The following NAALADL2 variants were observed in gnomAD, a reference collection of about 807,000 sequenced individuals.
NAALADL2 encodes N-acetylated alpha-linked acidic dipeptidase like 2.
In NAALADL2, 76 loss-of-function variants were observed where a neutral mutation model predicts 87.2. That is an observed-to-expected ratio of 0.87 (90% CI 0.72 to 1.05). The LOEUF is 1.05. Ranked by LOEUF, NAALADL2 falls within the 50% of genes least tolerant of loss-of-function variation. The probability of loss-of-function intolerance (pLI) is 0.00; values close to 1 mark genes in which losing one functional copy is unlikely to be tolerated. For missense variants in NAALADL2, 1,089 were observed against 945.8 expected (o/e 1.15, Z -1.99); for synonymous variants, 354 against 331.0 (o/e 1.07, Z -0.75).
At chr3:175,166,696 G>A (rs978205220) in intron 2 of NAALADL2, among the ~76,000 whole-genome samples, 13 of 151,834 alleles carry the variant, frequency 8.6e-5, no homozygotes, top group African/African-American at 2.9e-4. Context: ...ATGTAGCTAC[G>A]TCTTTCTGCT....
At chr3:175,386,817 G>C (rs1168092098) in intron 5 of NAALADL2, among the ~76,000 whole-genome samples, 1 of 152,016 alleles carries the variant, frequency 6.6e-6, no homozygotes, top group African/African-American at 2.4e-5. Context: ...TAGCCATCTT[G>C]TTATCAGATC....
intron 4 of NAALADL2, among the ~76,000 whole-genome samples, chr3:175,313,330 T>A (rs528381707): frequency 2.0e-5 from 3 of 152,310 alleles, no homozygotes; most frequent in African/African-American, 7.2e-5. Context: ...CTTAAATTTT[T>A]CTGTAAAACT....
chr3:175,498,326 C>T (rs1729099324), intron 9 of NAALADL2, among the ~76,000 whole-genome samples: 1 of 151,986 alleles, frequency 6.6e-6, no homozygotes, highest in African/African-American at 2.4e-5. Context: ...CTCTTCAGCG[C>T]AGTGTATGAG....
chr3:175,416,535 A>G (rs1447466995), intron 5 of NAALADL2, among the ~76,000 whole-genome samples: 1 of 152,162 alleles, frequency 6.6e-6, no homozygotes, highest in Non-Finnish European at 1.5e-5. Flanking sequence ...CAGTTATAGG[A>G]TTTAAGAAGT....
rs749991023 is a variant in NAALADL2, at chr3:175,429,176, TACACACAC to T, written c.1091-18025_1091-18018del. Among the ~76,000 whole-genome samples the T allele has an allele frequency of 7.1e-3, 896 of 125,626 alleles. 11 individuals are homozygous for T. Among genetic ancestry groups the T allele is most frequent in the African/African-American group, 0.023 (823 of 36,288 alleles). 82.4% of individuals were successfully genotyped at this position (125,626 alleles called of 152,430 possible). ...TCTGGACTATAGTAATATATATATG[TACACACAC>T]ACACACACACACACACACACACACA... On this transcript the variant is annotated intron_variant, in intron 5 of 13. Transcript: ENST00000454872.
intron 11 of NAALADL2, among the ~76,000 whole-genome samples, chr3:175,652,532 G>T (rs1327039461): frequency 1.4e-5 from 2 of 143,918 alleles, no homozygotes; most frequent in African/African-American, 2.6e-5. Flanking sequence ...AGGCTGGAGT[G>T]CAGTGGTGCC....
intron 1 of NAALADL2, among the ~76,000 whole-genome samples, chr3:174,935,458 T>C (rs1043676170): frequency 1.3e-5 from 2 of 152,186 alleles, no homozygotes; most frequent in East Asian, 1.9e-4. Flanking sequence ...ACATTACTTA[T>C]AGAATAATTT....
At chr3:175,353,006 G>A (rs1006600081) in intron 5 of NAALADL2, among the ~76,000 whole-genome samples, 1 of 151,946 alleles carries the variant, frequency 6.6e-6, no homozygotes, top group Non-Finnish European at 1.5e-5. Flanking sequence ...CTGAAAGACA[G>A]GGCATTCTCA....
chr3:175,047,629 C>G (rs1277302106), intron 1 of NAALADL2, among the ~76,000 whole-genome samples: 1 of 152,120 alleles, frequency 6.6e-6, no homozygotes, highest in Non-Finnish European at 1.5e-5. Flanking sequence ...CAAACTCACT[C>G]TAAAGTTTTA....
At chr3:175,068,689 G>T (rs976477441) in intron 1 of NAALADL2, among the ~76,000 whole-genome samples, 2 of 152,104 alleles carry the variant, frequency 1.3e-5, no homozygotes, top group Admixed American at 1.3e-4. Flanking sequence ...TAGTGAAAAT[G>T]AAAATGAAAG....
intron 1 of NAALADL2, among the ~76,000 whole-genome samples, chr3:174,985,578 G>C (rs1484083789): frequency 6.6e-6 from 1 of 152,082 alleles, no homozygotes. Flanking sequence ...GCTTTTTAGT[G>C]CTGCCATAAT....
chr3:175,609,788 T>G (rs187151619), intron 10 of NAALADL2, among the ~76,000 whole-genome samples: 120 of 152,274 alleles, frequency 7.9e-4, no homozygotes, highest in Middle Eastern at 3.4e-3. Context: ...TTCCAACTGC[T>G]AGTCACTAGT....
intron 2 of NAALADL2, among the ~76,000 whole-genome samples, chr3:174,583,173 A>G (rs1459344217): frequency 1.3e-5 from 2 of 152,226 alleles, no homozygotes; most frequent in Non-Finnish European, 2.9e-5. Context: ...GTGTAAATCT[A>G]TAATATGGTA....
chr3:175,314,702 A>ATC (rs1758902699), intron 4 of NAALADL2, among the ~76,000 whole-genome samples: 1 of 93,820 alleles, frequency 1.1e-5, no homozygotes, highest in South Asian at 3.4e-4. Flanking sequence ...ATATATATAT[A>ATC]TATATATATA....
At chr3:175,620,087 A>AT in intron 10 of NAALADL2, among the ~76,000 whole-genome samples, 1 of 151,456 alleles carries the variant, frequency 6.6e-6, no homozygotes, top group Admixed American at 6.6e-5. Context: ...AAAAAAAAAA[A>AT]TTGGAATTAA....
intron 8 of NAALADL2, among the ~76,000 whole-genome samples, chr3:175,468,067 T>C (rs9844415): frequency 0.62 from 94,693 of 151,892 alleles, 29,805 homozygotes; most frequent in Admixed American, 0.7. Flanking sequence ...AATAGGAAAT[T>C]ATTTTGCTAC....
chr3:175,506,156 T>C (rs1730280536), intron 9 of NAALADL2, among the ~76,000 whole-genome samples: 5 of 152,142 alleles, frequency 3.3e-5, no homozygotes, highest in Admixed American at 3.3e-4. Context: ...TGCTTTTTGC[T>C]CAGGTGAAAT....
At chr3:174,954,323 C>T (rs1438329485) in intron 1 of NAALADL2, among the ~76,000 whole-genome samples, 1 of 152,030 alleles carries the variant, frequency 6.6e-6, no homozygotes, top group Non-Finnish European at 1.5e-5. Context: ...CTGTTTGTAG[C>T]TCCATTAAAG....
intron 11 of NAALADL2, among the ~76,000 whole-genome samples, chr3:175,701,439 C>T (rs1183829156): frequency 6.6e-6 from 1 of 152,064 alleles, no homozygotes; most frequent in Non-Finnish European, 1.5e-5. Context: ...TTTGTATATT[C>T]AGTGTCTCAC....
Sources: allele counts gnomAD v4.1 joint callset (sites outside exome capture counted in the v4.1 genomes callset), GRCh38; gene constraint gnomAD v4.1.1; transcripts MANE v1.5; gene names NCBI Gene and HGNC (gene_info 2026-07-23, HGNC 2026-07-21).